Variants in KCNN2 observed in about 807,000 individuals in gnomAD.
KCNN2 encodes potassium calcium-activated channel subfamily N member 2.
A neutral mutation model predicts 55.5 loss-of-function variants in KCNN2; 24 were observed. The ratio of observed to expected loss-of-function variants is 0.43; its 90% CI spans 0.31 to 0.61. The LOEUF (loss-of-function observed/expected upper bound fraction) is 0.61, where lower values mean the gene tolerates loss of function less well. Ranked by LOEUF, KCNN2 falls within the 20% of genes least tolerant of loss-of-function variation. The pLI, the probability that KCNN2 is intolerant of heterozygous loss-of-function variation, is 0.08. For synonymous variants in KCNN2, 431 were observed against 336.1 expected (o/e 1.28, Z -3.09); for missense variants, 754 against 853.6 (o/e 0.88, Z 1.45).
chr5:114,197,271 C>G (rs1432120383), intron 1 of KCNN2, among the ~76,000 whole-genome samples: 1 of 151,966 alleles, frequency 6.6e-6, no homozygotes, highest in Non-Finnish European at 1.5e-5. Flanking sequence ...TGAGAATGTT[C>G]CTTGTGTGCT....
intron 1 of KCNN2, among the ~76,000 whole-genome samples, chr5:114,131,576 G>A (rs891521972): frequency 1.3e-5 from 2 of 152,254 alleles, no homozygotes; most frequent in Non-Finnish European, 1.5e-5. Context: ...ATTGTGAATA[G>A]TGCTGCACTG....
intron 1 of KCNN2, among the ~76,000 whole-genome samples, chr5:114,165,645 C>T (rs1752893612): frequency 6.6e-6 from 1 of 152,040 alleles, no homozygotes; most frequent in Admixed American, 6.6e-5. Flanking sequence ...CTTAATTGTC[C>T]TGTGTGTTGC....
chr5:114,371,653 C>T (rs1282840191), intron 2 of KCNN2, among the ~76,000 whole-genome samples: 5 of 152,162 alleles, frequency 3.3e-5, no homozygotes, highest in Admixed American at 1.3e-4. Context: ...GTTCATTTCC[C>T]TTTTCACAGG....
At chr5:114,162,643 G>A (rs907824259) in intron 1 of KCNN2, among the ~76,000 whole-genome samples, 1 of 152,202 alleles carries the variant, frequency 6.6e-6, no homozygotes, top group Non-Finnish European at 1.5e-5. Flanking sequence ...GCTGTGGTGG[G>A]CTCCACCCAG....
At chr5:114,474,843 A>T (rs1761897709) in intron 5 of KCNN2, among the ~76,000 whole-genome samples, 1 of 152,086 alleles carries the variant, frequency 6.6e-6, no homozygotes. Flanking sequence ...AGGGAGAAAA[A>T]TACCTTAAAA....
chr5:114,239,150 A>G (rs765209319), intron 2 of KCNN2, among the ~76,000 whole-genome samples: 7 of 152,328 alleles, frequency 4.6e-5, no homozygotes, highest in Middle Eastern at 3.4e-3. Flanking sequence ...CTGTAAGTGC[A>G]TAATGGAAAG....
At chr5:114,356,916 A>C (rs1757303454) in intron 2 of KCNN2, among the ~76,000 whole-genome samples, 1 of 152,138 alleles carries the variant, frequency 6.6e-6, no homozygotes, top group Non-Finnish European at 1.5e-5. Context: ...AAATGATACT[A>C]TCCTGATTCC....
chr5:114,486,630 A>G (rs1747553891), intron 5 of KCNN2: 8 of 737,556 alleles, frequency 1.1e-5, no homozygotes, highest in Non-Finnish European at 1.6e-5. Flanking sequence ...GTGCACAGCC[A>G]GAAATACCAA....
chr5:114,424,412 T>C (rs1206211623), intron 3 of KCNN2, among the ~76,000 whole-genome samples: 2 of 152,218 alleles, frequency 1.3e-5, no homozygotes, highest in East Asian at 3.9e-4. Flanking sequence ...AGAGATACTA[T>C]ATTTTTAAAT....
intron 1 of KCNN2, among the ~76,000 whole-genome samples, chr5:114,212,948 G>T (rs1031493794): frequency 6.6e-6 from 1 of 151,956 alleles, no homozygotes; most frequent in African/African-American, 2.4e-5. Context: ...TAGATATAAT[G>T]CAATTAATTA....
intron 2 of KCNN2, among the ~76,000 whole-genome samples, chr5:114,238,838 ATT>A (rs924476599): frequency 6.6e-6 from 1 of 151,762 alleles, no homozygotes; most frequent in Admixed American, 6.6e-5. Context: ...GCATGGACCT[ATT>A]TTTTTTATGG....
chr5:114,118,622 G>A (rs543656924), intron 1 of KCNN2, among the ~76,000 whole-genome samples: 2 of 151,948 alleles, frequency 1.3e-5, no homozygotes, highest in Non-Finnish European at 2.9e-5. Context: ...CCCACACTGG[G>A]GAAGGCAGGC....
intron 2 of KCNN2, among the ~76,000 whole-genome samples, chr5:114,309,290 G>A (rs183886435): frequency 6.6e-6 from 1 of 152,222 alleles, no homozygotes; most frequent in East Asian, 1.9e-4. Context: ...TTCAAGGTCC[G>A]TAACATAACT....
chr5:114,286,357 G>C (rs913905429), intron 2 of KCNN2, among the ~76,000 whole-genome samples: 1 of 152,116 alleles, frequency 6.6e-6, no homozygotes, highest in Non-Finnish European at 1.5e-5. Context: ...TGCTCAACAT[G>C]TTAGTCTGAA....
At chr5:114,335,874 A>G (rs547060754) in intron 2 of KCNN2, among the ~76,000 whole-genome samples, 1 of 152,354 alleles carries the variant, frequency 6.6e-6, no homozygotes, top group African/African-American at 2.4e-5. Flanking sequence ...GATGGTGGAT[A>G]GTTTCAGAAA....
chr5:114,305,238 G>A (rs1281443795), intron 2 of KCNN2, among the ~76,000 whole-genome samples: 1 of 152,180 alleles, frequency 6.6e-6, no homozygotes, highest in East Asian at 1.9e-4. Context: ...GGTGCAGTTA[G>A]TTGCAGCTTC....
intron 2 of KCNN2, among the ~76,000 whole-genome samples, chr5:114,263,531 C>A (rs890895413): frequency 2.6e-5 from 4 of 151,824 alleles, no homozygotes; most frequent in Non-Finnish European, 5.9e-5. Flanking sequence ...CGGATTGCCC[C>A]CTTCAGCCTG....
chr5:114,117,771 C>T (rs1212955747), intron 1 of KCNN2, among the ~76,000 whole-genome samples: 1 of 152,144 alleles, frequency 6.6e-6, no homozygotes, highest in Non-Finnish European at 1.5e-5. Context: ...GTCCTTGAGC[C>T]CTCATGTCAT....
At chr5:114,484,821 C>G (rs1451428596) in intron 5 of KCNN2, among the ~76,000 whole-genome samples, 3 of 152,078 alleles carry the variant, frequency 2.0e-5, no homozygotes, top group African/African-American at 7.2e-5. Flanking sequence ...AAAATAAATT[C>G]CTGTATTTAG....
Sources: gnomAD v4.1 joint callset for allele counts (sites outside exome capture counted in the v4.1 genomes callset) on GRCh38, gnomAD v4.1.1 for gene constraint, MANE v1.5 for transcripts, NCBI Gene and HGNC (gene_info 2026-07-23, HGNC 2026-07-21) for gene names.